Variants in MVP observed in about 807,000 individuals in gnomAD.
MVP encodes the protein major vault protein, also known as lung resistance-related protein.
MVP carries 62 observed loss-of-function variants against 83.5 expected under a neutral mutation model. The ratio of observed to expected loss-of-function variants is 0.74; its 90% CI spans 0.61 to 0.92. The LOEUF is 0.92. Among genes scored for constraint, MVP ranks in the 40% least tolerant of loss-of-function variants. The pLI is 0.00. For missense variants in MVP, 1,000 were observed against 1,203.4 expected (o/e 0.83, Z 2.50); for synonymous variants, 505 against 504.1 (o/e 1.00, Z -0.02).
chr16:29,825,853 A>T (rs989675954), intron 1 of MVP: 2 of 152,258 alleles, frequency 1.3e-5, no homozygotes, highest in Admixed American at 6.5e-5. Context: ...CTAGAGTTCA[A>T]ATCTTTCCTG....
intron 10 of MVP, among the ~76,000 whole-genome samples, chr16:29,842,634 C>T (rs758480396): frequency 5.3e-5 from 8 of 152,104 alleles, no homozygotes; most frequent in Admixed American, 3.3e-4. Context: ...AAAAACAAAC[C>T]GGGTGGCAAG....
intron 7 of MVP, 26 bp downstream of exon 7, chr16:29,836,984 G>A: frequency 6.3e-7 from 1 of 1,587,464 alleles, no homozygotes; most frequent in Non-Finnish European, 8.6e-7. Context: ...CCCCACAGAG[G>A]ACTGCCCTGG....
chr16:29,824,900 CTT>C (rs753917886), intron 1 of MVP, among the ~76,000 whole-genome samples: 2 of 144,932 alleles, frequency 1.4e-5, no homozygotes, highest in Admixed American at 6.9e-5. Context: ...CGGTCTCCCT[CTT>C]TTTTTTTTTT....
At chr16:29,830,154 G>T (rs1389541446) in intron 1 of MVP, 2 of 175,506 alleles carry the variant, frequency 1.1e-5, no homozygotes, top group Non-Finnish European at 2.5e-5. Context: ...TTCCCAGCTT[G>T]CTGTATCTCT....
Position 29,841,763 on chromosome 16 carries a change from C to CAAG in MVP, c.1361_1363dup (p.Lys454dup), listed in dbSNP as rs1320122722. On this transcript the variant is annotated inframe_insertion, in exon 9 of 15. Transcript: ENST00000357402. The surrounding 1 kb of genome is among the most constrained non-coding windows in gnomAD (Gnocchi z 4.7). ...GCCTCCAGCCCTTGGCGCCCCGGAA[C>CAAG]AAGACCCGTGTGGTCAGCTACCGCG... 6.2e-7 allele frequency: 1 copy of CAAG among 1,613,564 alleles called. No individual in the cohort carries two copies. Among genetic ancestry groups the CAAG allele is most frequent in the East Asian group, 2.2e-5 (1 of 44,892 alleles).
intron 1 of MVP, among the ~76,000 whole-genome samples, chr16:29,824,368 G>A (rs2067390854): frequency 6.6e-6 from 1 of 152,166 alleles, no homozygotes; most frequent in Non-Finnish European, 1.5e-5. Context: ...CAGTGGCTCT[G>A]GGGTGGGGCC....
intron 1 of MVP, among the ~76,000 whole-genome samples, chr16:29,828,156 T>TA (rs1303083005): frequency 1.3e-5 from 2 of 151,936 alleles, no homozygotes; most frequent in Non-Finnish European, 2.9e-5. Context: ...AGACAGGGTT[T>TA]CTGCATGTTG....
intron 3 of MVP, chr16:29,831,657 C>A (rs1020737422): frequency 1.3e-5 from 6 of 456,024 alleles, no homozygotes; most frequent in Admixed American, 1.2e-4. Context: ...CCAGAGCCTA[C>A]CAGAAGTGCC....
At chr16:29,836,610 G>A in intron 6 of MVP, 112 bp from the exon 7 acceptor site, 2 of 813,912 alleles carry the variant, frequency 2.5e-6, no homozygotes, top group Non-Finnish European at 3.8e-6. Flanking sequence ...TGGATTGGTA[G>A]AAATTGTCTC....
rs1444675404 is a variant in MVP at position 29,844,597 on chromosome 16, G to C, written c.1739G>C (p.Arg580Pro). Reference protein sequence around the residue: ...DACKAIASRVRGAVASVTFDD... With the variant: ...DACKAIASRVPGAVASVTFDD... ...TGCAAAGCCATCGCATCCCGGGTGCGGGGGGCCGTGGCCTCTGTCACTTTC... is the reference window on the plus strand; with the variant it reads ...TGCAAAGCCATCGCATCCCGGGTGCCGGGGGCCGTGGCCTCTGTCACTTTC... Residue 580 changes from arginine (R) to proline (P), a missense_variant, in exon 11 of 15, where the codon CGG (arginine) becomes CCG (proline). Physicochemically the swap from Arg to Pro is moderately radical, Grantham distance 103 (BLOSUM62 -2). Transcript: ENST00000357402. The C allele has an allele frequency of 1.2e-6, 2 of 1,613,006 alleles. No individual in the cohort carries two copies. The highest frequency in any genetic ancestry group is 1.7e-6 in the Non-Finnish European group (2 of 1,179,436).
chr16:29,845,669 G>T (rs904585307), intron 11 of MVP, among the ~76,000 whole-genome samples, 194 bp from the exon 12 acceptor site: 1 of 152,196 alleles, frequency 6.6e-6, no homozygotes, highest in South Asian at 2.1e-4. Context: ...CCGCAGTCAC[G>T]CCTGCATTTG....
At chr16:29,846,411 T>A (rs770404027) in intron 13 of MVP, 127 bp downstream of exon 13, 31 of 1,329,732 alleles carry the variant, frequency 2.3e-5, no homozygotes, top group Non-Finnish European at 2.9e-5. Context: ...GTACTTTGCA[T>A]TTGCAAAGTC....
chr16:29,843,212 C>T (rs1173848675), intron 10 of MVP, among the ~76,000 whole-genome samples: 3 of 152,018 alleles, frequency 2.0e-5, no homozygotes, highest in Non-Finnish European at 4.4e-5. Context: ...GTGTTCATGA[C>T]TGGGTACTGT....
At chr16:29,830,803 C>A (rs2067435570) in intron 2 of MVP, 75 bp from the exon 3 acceptor site, 1 of 1,572,920 alleles carries the variant, frequency 6.4e-7, no homozygotes. Flanking sequence ...AGAGAGGTTT[C>A]TCTCTCATTT....
At chr16:29,839,783 C>A (rs1254270723) in intron 7 of MVP, among the ~76,000 whole-genome samples, 57 of 47,352 alleles carry the variant, frequency 1.2e-3, no homozygotes, top group African/African-American at 1.7e-3. Context: ...AAGACTATCT[C>A]AAAAAAAAAA....
intron 13 of MVP, among the ~76,000 whole-genome samples, chr16:29,846,736 G>A (rs919936040): frequency 5.3e-5 from 8 of 152,194 alleles, no homozygotes; most frequent in African/African-American, 1.9e-4. Flanking sequence ...GCATGTGTCT[G>A]TAACCCCAAC....
At position 29,847,299 on chromosome 16, in the gene MVP, G is replaced by A; in HGVS notation, c.2368G>A (p.Val790Met). The A allele has an allele frequency of 6.2e-7, 1 of 1,612,456 alleles. No homozygotes were observed. Among genetic ancestry groups the A allele is most frequent in the Non-Finnish European group, 8.5e-7 (1 of 1,179,586 alleles). Residue 790 changes from valine (V) to methionine (M), a missense_variant, in exon 14 of 15, where the codon GTG (valine) becomes ATG (methionine). Coordinates refer to ENST00000357402, the MANE Select transcript of MVP (RefSeq NM_005115.5). ...GAGCAAGGCTCAGCAGCTGGCTGAG[G>A]TGGAGGTGAAGAAGTTCAAGCAGAT... ...EVSKAQQLAE[V>M]EVKKFKQMTE...
intron 1 of MVP, 62 bp downstream of exon 1, chr16:29,820,572 G>A (rs1011208643): frequency 6.6e-6 from 1 of 152,422 alleles, no homozygotes; most frequent in African/African-American, 2.4e-5. Flanking sequence ...TATCCCTTGA[G>A]GCTCTCTTTA....
chr16:29,839,806 AAAG>A (rs1409172856), intron 7 of MVP, among the ~76,000 whole-genome samples: 4 of 151,354 alleles, frequency 2.6e-5, no homozygotes, highest in Non-Finnish European at 5.9e-5. Context: ...AAAAAAAAAA[AAAG>A]GCAGAATCCA....
Sources: gnomAD v4.1 joint callset for allele counts (sites outside exome capture counted in the v4.1 genomes callset) on GRCh38, gnomAD v4.1.1 for gene constraint, Gnocchi (gnomAD v3.1) non-coding constraint, MANE v1.5 for transcripts, NCBI Gene and HGNC (gene_info 2026-07-23, HGNC 2026-07-21) for gene names.